Variants in RPTOR observed in about 807,000 individuals in gnomAD.
RPTOR encodes the protein regulatory-associated protein of mTOR.
A neutral mutation model predicts 169.9 loss-of-function variants in RPTOR; 21 were observed. The observed-to-expected ratio is 0.12, with a 90% CI of 0.09 to 0.18. The LOEUF is 0.18. RPTOR is among the 10% of genes least tolerant of loss of function. RPTOR has a pLI of 1.00. For synonymous variants in RPTOR, 732 were observed against 753.2 expected, an observed-to-expected ratio of 0.97 and a Z score of 0.46; for missense variants, 1,133 against 1,855.9, an observed-to-expected ratio of 0.61 and a Z score of 7.16.
chr17:80,928,482 C>T (rs753762117), intron 24 of RPTOR, among the ~76,000 whole-genome samples: 1 of 152,202 alleles, frequency 6.6e-6, no homozygotes, highest in Non-Finnish European at 1.5e-5. Context: ...AAAACAGTTA[C>T]CAGGTCACAA....
intron 20 of RPTOR, among the ~76,000 whole-genome samples, chr17:80,898,122 T>TG (rs1426493103): frequency 6.6e-6 from 1 of 152,214 alleles, no homozygotes; most frequent in Non-Finnish European, 1.5e-5. Flanking sequence ...ATTTCTTTAA[T>TG]GCTGATAGGA....
intron 1 of RPTOR, among the ~76,000 whole-genome samples, chr17:80,547,343 TG>T (rs1233398470): frequency 3.9e-5 from 6 of 152,214 alleles, no homozygotes; most frequent in Non-Finnish European, 8.8e-5. Flanking sequence ...GCAGTTTTTT[TG>T]TTGTTGTTAT....
Position 80,685,627 on chromosome 17 carries a change from ATTTTTTTTTTTTT to A in RPTOR, c.349-22196_349-22184del, listed in dbSNP as rs1165540456. ...CATATATATATATATATATATATATATTTTTTTTTTTTTTTTTTTTTTTTTTTTTTGCTGTGAA... is the reference window on the plus strand; with the variant it reads ...CATATATATATATATATATATATATATTTTTTTTTTTTTTTTTGCTGTGAA... On this transcript the variant is annotated intron_variant, in intron 3 of 33. Transcript: ENST00000306801. Among the ~76,000 whole-genome samples, 38 of 30,680 alleles carry A rather than the reference ATTTTTTTTTTTTT, an allele frequency of 1.2e-3. 2 individuals are homozygous for A. The highest frequency in any genetic ancestry group is 1.7e-3 in the South Asian group (1 of 586). 20.1% of individuals were successfully genotyped at this position (30,680 alleles called of 152,430 possible). A position where few individuals can be genotyped will look rare whatever the true frequency, so the allele number is the denominator to read the frequency against.
intron 21 of RPTOR, among the ~76,000 whole-genome samples, chr17:80,914,648 C>T (rs74733395): frequency 0.26 from 39,185 of 152,034 alleles, 6,000 homozygotes; most frequent in Middle Eastern, 0.35. Flanking sequence ...GCTGTGCACA[C>T]GCTCGGGGCA....
At chr17:80,875,489 A>G (rs930500945) in intron 13 of RPTOR, among the ~76,000 whole-genome samples, 4 of 152,132 alleles carry the variant, frequency 2.6e-5, no homozygotes, top group Non-Finnish European at 5.9e-5. Flanking sequence ...TCAGGAAAAA[A>G]AATGTCATGT....
At chr17:80,949,614 C>A in intron 28 of RPTOR, 67 bp downstream of exon 28, 1 of 1,330,748 alleles carries the variant, frequency 7.5e-7, no homozygotes, top group African/African-American at 1.4e-5. Context: ...CTCGGAATTC[C>A]AAGGCCCTTC....
chr17:80,856,131 G>A (rs1284930758), intron 12 of RPTOR, among the ~76,000 whole-genome samples: 1 of 152,226 alleles, frequency 6.6e-6, no homozygotes, highest in Non-Finnish European at 1.5e-5. Flanking sequence ...AAGGAAACTC[G>A]AGAGACCTAT....
At chr17:80,663,807 G>C (rs1021146969) in intron 3 of RPTOR, among the ~76,000 whole-genome samples, 1 of 151,830 alleles carries the variant, frequency 6.6e-6, no homozygotes, top group Non-Finnish European at 1.5e-5. Context: ...GCCTTCCTCT[G>C]CTTGAGACTG....
rs113056888 is a variant in RPTOR, at chr17:80,600,860, G to A, written c.163-24831G>A. Reference sequence around the variant, plus strand: ...GATGACCGCAGCAGCATCTCCCGCCGCACGTGCCCTCTCTGCAGTGTAACT... The same window carrying A: ...GATGACCGCAGCAGCATCTCCCGCCACACGTGCCCTCTCTGCAGTGTAACT... On this transcript the variant is annotated intron_variant, in intron 1 of 33. Transcript: ENST00000306801. Among the ~76,000 whole-genome samples the A allele has an allele frequency of 4.0e-3, 301 of 75,650 alleles. 2 individuals are homozygous for A. The highest frequency in any genetic ancestry group is 5.5e-3 in the Non-Finnish European group (180 of 32,516). 49.6% of individuals were successfully genotyped at this position (75,650 alleles called of 152,430 possible).
intron 25 of RPTOR, chr17:80,941,208 C>G (rs2069022128): frequency 6.5e-6 from 1 of 153,064 alleles, no homozygotes; most frequent in African/African-American, 2.4e-5. Context: ...AAATCGCTCC[C>G]TTCACCTACC....
At chr17:80,924,317 T>C (rs1218589902) in intron 23 of RPTOR, 1 of 152,104 alleles carries the variant, frequency 6.6e-6, no homozygotes, top group Non-Finnish European at 1.5e-5. Flanking sequence ...AAGAAGGTGG[T>C]TCAGGGCGCA....
intron 1 of RPTOR, among the ~76,000 whole-genome samples, chr17:80,620,169 G>A (rs1227099566): frequency 1.3e-5 from 2 of 152,196 alleles, no homozygotes; most frequent in African/African-American, 4.8e-5. Context: ...TGCATTGTTA[G>A]TGAGCATTTA....
intron 5 of RPTOR, among the ~76,000 whole-genome samples, chr17:80,731,507 C>A (rs944518525): frequency 6.6e-6 from 1 of 152,102 alleles, no homozygotes; most frequent in Non-Finnish European, 1.5e-5. Context: ...GCCTGTGCAC[C>A]GCTCTGCTAA....
chr17:80,882,466 T>C (rs567271999), intron 14 of RPTOR, among the ~76,000 whole-genome samples: 9 of 152,324 alleles, frequency 5.9e-5, no homozygotes, highest in African/African-American at 1.9e-4. Context: ...AGCAGACCTC[T>C]CATCAGCAGC....
At position 80,708,329 on chromosome 17, in the gene RPTOR, A is replaced by T. The variant is rs2066156824; in HGVS notation, c.507+330A>T. ...GTTTGAAAAAATTGCACAATTTCTC[A>T]ATTTCGTTAGAATCTTTCTTTAAGC... On this transcript the variant is annotated intron_variant, in intron 4 of 33. Transcript: ENST00000306801. The surrounding 1 kb of genome is among the most constrained non-coding windows in gnomAD (Gnocchi z 4.2). 3.9e-5 allele frequency among the ~76,000 whole-genome samples: 6 copies of T among 152,148 alleles called. No individual in the cohort carries two copies. The highest frequency in any genetic ancestry group is 3.9e-4 in the Admixed American group (6 of 15,272).
intron 7 of RPTOR, among the ~76,000 whole-genome samples, chr17:80,819,321 A>G (rs140456796): frequency 2.2e-4 from 33 of 152,340 alleles, no homozygotes; most frequent in Admixed American, 5.2e-4. Flanking sequence ...TTTTCCTCCA[A>G]TTGTTTCTCC....
At chr17:80,588,367 T>C (rs1246832953) in intron 1 of RPTOR, among the ~76,000 whole-genome samples, 1 of 152,148 alleles carries the variant, frequency 6.6e-6, no homozygotes, top group Non-Finnish European at 1.5e-5. Context: ...TTCACCATGT[T>C]GGTCAGGTTG....
At chr17:80,599,342 C>T (rs1473556719) in intron 1 of RPTOR, among the ~76,000 whole-genome samples, 1 of 152,130 alleles carries the variant, frequency 6.6e-6, no homozygotes, top group Admixed American at 6.6e-5. Flanking sequence ...AGACCTGTGG[C>T]GCCCTTTCCT....
intron 1 of RPTOR, among the ~76,000 whole-genome samples, chr17:80,581,503 A>C (rs1459324135): frequency 7.2e-6 from 1 of 138,126 alleles, no homozygotes; most frequent in Non-Finnish European, 1.6e-5. Flanking sequence ...ACATCAGGCC[A>C]GTGCATGCCT....
Sources: allele counts gnomAD v4.1 joint callset (sites outside exome capture counted in the v4.1 genomes callset), GRCh38; gene constraint gnomAD v4.1.1; non-coding constraint Gnocchi (gnomAD v3.1); transcripts MANE v1.5; gene names NCBI Gene and HGNC (gene_info 2026-07-23, HGNC 2026-07-21).